ABCC6: variants seen among roughly 807,000 people sequenced by gnomAD.
ABCC6 encodes the protein ATP-binding cassette sub-family C member 6.
A neutral mutation model predicts 169.5 loss-of-function variants in ABCC6; 126 were observed. The observed-to-expected ratio is 0.74, with a 90% confidence interval of 0.64 to 0.86. The LOEUF (loss-of-function observed/expected upper bound fraction) is 0.86, where lower values mean the gene tolerates loss of function less well. ABCC6 is among the 40% of genes least tolerant of loss of function. The pLI is 0.00. For synonymous variants in ABCC6, 752 were observed against 814.7 expected (o/e 0.92, Z 1.31); for missense variants, 1,733 against 1,927.2 (o/e 0.90, Z 1.89).
chr16:16,211,204 T>C (rs1187204529), intron 6 of ABCC6, among the ~76,000 whole-genome samples: 1 of 151,870 alleles, frequency 6.6e-6, no homozygotes, highest in Non-Finnish European at 1.5e-5. Context: ...GAGTTTCAGA[T>C]CAGCCTGACC....
chr16:16,219,366 G>T (rs1240917668), intron 4 of ABCC6, among the ~76,000 whole-genome samples, 188 bp downstream of exon 4: 2 of 152,222 alleles, frequency 1.3e-5, no homozygotes, highest in African/African-American at 4.8e-5. Flanking sequence ...GTGTTGATAA[G>T]AAATGTATGG....
At chr16:16,172,629 T>C (rs1477068991) in intron 21 of ABCC6, among the ~76,000 whole-genome samples, 1 of 152,086 alleles carries the variant, frequency 6.6e-6, no homozygotes, top group Non-Finnish European at 1.5e-5. Flanking sequence ...TGGAGATACA[T>C]AGCAGTATAG....
chr16:16,155,739 T>C (rs938571404), intron 27 of ABCC6: 12 of 152,586 alleles, frequency 7.9e-5, no homozygotes, highest in African/African-American at 2.7e-4. Flanking sequence ...TTCAACATTA[T>C]TTGTTTAATT....
intron 29 of ABCC6, among the ~76,000 whole-genome samples, chr16:16,153,468 A>G (rs1340775259): frequency 6.6e-6 from 1 of 152,012 alleles, no homozygotes; most frequent in East Asian, 1.9e-4. Context: ...TTCTGCGTCT[A>G]TGCAGTGTCT....
intron 11 of ABCC6, among the ~76,000 whole-genome samples, chr16:16,191,336 G>C (rs1488711700): frequency 6.6e-6 from 1 of 152,066 alleles, no homozygotes; most frequent in East Asian, 1.9e-4. Context: ...GGCTGGTTTT[G>C]AACTCCTGAC....
At chr16:16,208,993 A>C (rs2048500305) in intron 6 of ABCC6, 134 bp from the exon 7 acceptor site, 1 of 909,910 alleles carries the variant, frequency 1.1e-6, no homozygotes, top group Non-Finnish European at 1.7e-6. Context: ...GGGTAAAAAG[A>C]AAGCAATTCA....
chr16:16,222,866 A>G (rs895693581), intron 1 of ABCC6, among the ~76,000 whole-genome samples: 8 of 152,218 alleles, frequency 5.3e-5, no homozygotes, highest in Non-Finnish European at 8.8e-5. Context: ...AAAAGGGGGA[A>G]AACGAGACTC....
rs386789398 is a variant in ABCC6, at chr16:16,174,760, AC to A, written c.2666+1150del. Among the ~76,000 whole-genome samples the A allele has an allele frequency of 1.6e-4, 15 of 94,692 alleles. 3 individuals carry two copies. Among genetic ancestry groups the A allele is most frequent in the African/African-American group, 2.4e-4 (7 of 29,266 alleles). 62.1% of individuals were successfully genotyped at this position (94,692 alleles called of 152,430 possible). On this transcript the variant is annotated intron_variant, in intron 20 of 30. Transcript: ENST00000205557. Reference sequence around the variant, plus strand: ...CGACAGAGCAAGATTCTGTCTCAAAACCCCCCCCCGCAAAAAACAAAAAACC... The same window carrying A: ...CGACAGAGCAAGATTCTGTCTCAAAACCCCCCCCGCAAAAAACAAAAAACC...
At position 16,208,718 on chromosome 16, in the gene ABCC6, A is replaced by T; in HGVS notation, c.794+10T>A. 1 of 1,613,314 alleles carries T rather than the reference A, an allele frequency of 6.2e-7. No homozygotes were observed. Among genetic ancestry groups the T allele is most frequent in the South Asian group, 1.1e-5 (1 of 91,064 alleles). ...AGCATCAGGTGAGTTCTTGACCTCC[A>T]CCCACTTACCTCCGGGCTGCACTGC... On this transcript the variant is annotated intron_variant, in intron 7 of 30. Coordinates refer to ENST00000205557, the MANE Select transcript of ABCC6 (RefSeq NM_001171.6).
intron 17 of ABCC6, among the ~76,000 whole-genome samples, chr16:16,181,015 CA>C (rs1239164466): frequency 6.6e-6 from 1 of 152,058 alleles, no homozygotes; most frequent in African/African-American, 2.4e-5. Context: ...AATAGTAAAG[CA>C]GGGGGAGCCA....
In ABCC6 at chr16:16,182,851, C is replaced by T. The variant is rs780726064; in HGVS notation, c.2023G>A (p.Ala675Thr). The change falls in exon 16 of 31, where the codon GCC becomes ACC. Residue 675 changes from alanine (A) to threonine (T), a missense_variant. Coordinates refer to ENST00000205557, the MANE Select transcript of ABCC6 (RefSeq NM_001171.6). ...ACCTTTGACAGCTCCCCAAGGAGGG[C>T]GGACAGCAGGGAGGACTTCCCTGCC... ...VGAGKSSLLS[A>T]LLGELSKVEG... 4.3e-6 allele frequency: 7 copies of T among 1,613,960 alleles called. No individual in the cohort carries two copies. The highest frequency in any genetic ancestry group is 2.2e-5 in the South Asian group (2 of 91,080).
chr16:16,152,408 C>T (rs889956505), intron 29 of ABCC6, among the ~76,000 whole-genome samples: 1 of 151,826 alleles, frequency 6.6e-6, no homozygotes, highest in Admixed American at 6.6e-5. Context: ...ATGATCAGAA[C>T]CTACTATGGT....
At chr16:16,185,878 G>A (rs1413384842) in intron 14 of ABCC6, among the ~76,000 whole-genome samples, 4 of 152,196 alleles carry the variant, frequency 2.6e-5, no homozygotes, top group Non-Finnish European at 4.4e-5. Context: ...TTAAGACGTA[G>A]TTAGAATTGC....
rs757497225 is a variant in ABCC6 at position 16,178,897 on chromosome 16, A to G, written c.2316T>C (p.Ala772=). 4.6e-5 allele frequency: 74 copies of G among 1,613,738 alleles called. No homozygotes were observed. Among genetic ancestry groups the G allele is most frequent in the Non-Finnish European group, 5.9e-5 (70 of 1,180,042 alleles). ...SLARAVYRKA[A]VYLLDDPLAA... ...CCAGGGGGTCATCCAGCAGGTACACAGCTGCCTTTCTGTATACAGCCCGGG... is the reference window on the plus strand; with the variant it reads ...CCAGGGGGTCATCCAGCAGGTACACGGCTGCCTTTCTGTATACAGCCCGGG... Residue 772 remains alanine, a synonymous_variant, in exon 18 of 31, where the codon GCT becomes GCC. Transcript: ENST00000205557.
At position 16,150,739 on chromosome 16, in the gene ABCC6, A is replaced by G; in HGVS notation, c.4242T>C (p.Arg1414=). Residue 1414 remains arginine (R), a synonymous_variant, in exon 30 of 31, where the codon CGT becomes CGC. Coordinates refer to ENST00000205557, the MANE Select transcript of ABCC6 (RefSeq NM_001171.6). Reference sequence around the variant, plus strand: ...GGATCTGGGTCTTCCGGAGAAGGGCACGTGCCAGACACAGGAGCTGTTTCT... The same window carrying G: ...GGATCTGGGTCTTCCGGAGAAGGGCGCGTGCCAGACACAGGAGCTGTTTCT... ...VGQKQLLCLA[R]ALLRKTQILI... 6.2e-7 allele frequency: 1 copy of G among 1,613,914 alleles called. No homozygotes were observed. Among genetic ancestry groups the G allele is most frequent in the South Asian group, 1.1e-5 (1 of 91,062 alleles).
At chr16:16,189,077 G>T (rs962641359) in intron 12 of ABCC6, 103 bp from the exon 13 acceptor site, 29 of 1,350,116 alleles carry the variant, frequency 2.1e-5, no homozygotes, top group Non-Finnish European at 2.3e-5. Flanking sequence ...TGGCCCACCC[G>T]CCATGTCCGC....
chr16:16,151,737 C>G (rs2046390861), intron 29 of ABCC6, among the ~76,000 whole-genome samples: 1 of 152,170 alleles, frequency 6.6e-6, no homozygotes. Context: ...TTATTGTTCT[C>G]TTCTTTTGAG....
At chr16:16,216,483 A>ATC (rs796223849) in intron 4 of ABCC6, among the ~76,000 whole-genome samples, 13 of 150,964 alleles carry the variant, frequency 8.6e-5, no homozygotes, top group South Asian at 8.4e-4. Context: ...TTCACTTAAC[A>ATC]TCCATGTTGT....
chr16:16,191,893 G>T (rs1289299562), intron 11 of ABCC6, among the ~76,000 whole-genome samples: 1 of 152,054 alleles, frequency 6.6e-6, no homozygotes, highest in Non-Finnish European at 1.5e-5. Context: ...ACTAGATGCC[G>T]AGTTGGCCAC....
Sources: gnomAD v4.1 joint callset for allele counts (sites outside exome capture counted in the v4.1 genomes callset) on GRCh38, gnomAD v4.1.1 for gene constraint, MANE v1.5 for transcripts, NCBI Gene and HGNC (gene_info 2026-07-23, HGNC 2026-07-21) for gene names.